SHANK2: variants seen among roughly 807,000 people sequenced by gnomAD.
The protein encoded by SHANK2 is SH3 and multiple ankyrin repeat domains 2.
SHANK2 carries 43 observed loss-of-function variants against 133.7 expected under a neutral mutation model. The ratio of observed to expected loss-of-function variants is 0.32; its 90% CI spans 0.25 to 0.41. The LOEUF is 0.41. Ranked by LOEUF, SHANK2 falls within the 10% of genes least tolerant of loss-of-function variation. The pLI is 1.00. For synonymous variants in SHANK2, 1,017 were observed against 952.8 expected, an observed-to-expected ratio of 1.07 and a Z score of -1.24; for missense variants, 1,994 against 2,235.8, an observed-to-expected ratio of 0.89 and a Z score of 2.18.
chr11:71,207,248 C>T (rs940572912), intron 2 of SHANK2, among the ~76,000 whole-genome samples: 3 of 146,266 alleles, frequency 2.1e-5, no homozygotes, highest in South Asian at 2.2e-4. Context: ...GGCGCAATCT[C>T]GGCTCACTAC....
intron 22 of SHANK2, among the ~76,000 whole-genome samples, chr11:70,490,772 GGTCCATACCCCACTCCCCATGTGCCATGT>G (rs1361545811): frequency 6.6e-6 from 1 of 152,146 alleles, no homozygotes; most frequent in Non-Finnish European, 1.5e-5. Flanking sequence ...GTCTGGCCTG[GGTCCATACCCCACTCCCCATGTGCCATGT>G]GACCATCAAG....
intron 8 of SHANK2, among the ~76,000 whole-genome samples, chr11:71,086,049 GTTATATAATATA>G (rs1407123932): frequency 7.8e-5 from 6 of 77,068 alleles, no homozygotes; most frequent in East Asian, 4.0e-4. Flanking sequence ...TATATAATAT[GTTATATAATATA>G]TTATATAATA....
At chr11:70,867,236 G>A (rs1268422220) in intron 11 of SHANK2, among the ~76,000 whole-genome samples, 4 of 152,270 alleles carry the variant, frequency 2.6e-5, no homozygotes, top group East Asian at 1.9e-4. Flanking sequence ...TCTCCTATCC[G>A]GGTAGGGGTA....
chr11:70,921,987 A>T (rs1555080759), intron 10 of SHANK2, among the ~76,000 whole-genome samples: 1 of 152,264 alleles, frequency 6.6e-6, no homozygotes, highest in East Asian at 1.9e-4. Flanking sequence ...TATTGGAGTG[A>T]GCAGCGAAGA....
chr11:70,578,910 AC>A (rs1172334744), intron 17 of SHANK2, among the ~76,000 whole-genome samples: 2 of 152,178 alleles, frequency 1.3e-5, no homozygotes, highest in Non-Finnish European at 1.5e-5. Flanking sequence ...TGGCCTCCCC[AC>A]AGGATGGGCG....
chr11:71,204,234 C>A (rs557361980), intron 2 of SHANK2, among the ~76,000 whole-genome samples: 1 of 151,516 alleles, frequency 6.6e-6, no homozygotes, highest in Non-Finnish European at 1.5e-5. Context: ...GATGTAAATC[C>A]AAAAAAAACC....
intron 2 of SHANK2, among the ~76,000 whole-genome samples, chr11:71,159,052 G>T (rs1256421101): frequency 6.6e-6 from 1 of 152,232 alleles, no homozygotes; most frequent in East Asian, 1.9e-4. Context: ...AATAAATGCT[G>T]CTTTATTGCT....
At chr11:70,756,872 G>A (rs1394223959) in intron 14 of SHANK2, among the ~76,000 whole-genome samples, 2 of 152,134 alleles carry the variant, frequency 1.3e-5, no homozygotes, top group Non-Finnish European at 2.9e-5. Flanking sequence ...GATCAGCACA[G>A]AATGTTACAA....
intron 17 of SHANK2, among the ~76,000 whole-genome samples, chr11:70,523,070 TGCTGGTGTGG>T (rs1554971387): frequency 6.6e-6 from 1 of 152,186 alleles, no homozygotes; most frequent in East Asian, 1.9e-4. Flanking sequence ...ACACCTGCAA[TGCTGGTGTGG>T]GTGTGGAGGG....
chr11:71,103,922 CCT>C (rs143494541), intron 6 of SHANK2, among the ~76,000 whole-genome samples: 37 of 137,746 alleles, frequency 2.7e-4, no homozygotes, highest in Middle Eastern at 3.6e-3. Context: ...TGCACCTGCT[CCT>C]CTCTCTCTCT....
chr11:70,684,901 T>A (rs369083811), intron 15 of SHANK2, among the ~76,000 whole-genome samples: 1 of 152,168 alleles, frequency 6.6e-6, no homozygotes, highest in East Asian at 1.9e-4. Context: ...AGATCCCTCT[T>A]GGCTCAAATG....
intron 17 of SHANK2, among the ~76,000 whole-genome samples, chr11:70,510,899 T>C (rs2135878301): frequency 6.6e-6 from 1 of 152,360 alleles, no homozygotes; most frequent in Non-Finnish European, 1.5e-5. Flanking sequence ...TACTCCTTGC[T>C]GCCTCAGAGC....
rs1555147673 is a variant in SHANK2, at chr11:70,468,685, T to C, written c.*4184A>G. The C allele has an allele frequency of 6.6e-6, 1 of 152,076 alleles. No individual in the cohort carries two copies. The highest frequency in any genetic ancestry group is 2.4e-5 in the African/African-American group (1 of 41,402). The allele number at this position is 152,076 out of a possible 1,614,324, so 9.4% of individuals were successfully genotyped here. On this transcript the variant is annotated 3_prime_UTR_variant, in exon 26 of 26. Coordinates refer to ENST00000601538, the MANE Select transcript of SHANK2 (RefSeq NM_012309.5). ...GGGTGCCAAGGTTTGGGAGAAACTA[T>C]TGGATGGTGAAGCGGGAGAGCTTGA...
At chr11:71,076,785 C>T (rs1951225768) in intron 8 of SHANK2, among the ~76,000 whole-genome samples, 1 of 152,238 alleles carries the variant, frequency 6.6e-6, no homozygotes, top group African/African-American at 2.4e-5. Context: ...TAGGCAGGAG[C>T]CATCAGGTTC....
Position 70,602,621 on chromosome 11 carries a change from T to C in SHANK2, c.2061+57207A>G, listed in dbSNP as rs142057811. The stretch of plus-strand genomic sequence containing the variant: ...TTCATCCTCTTCTTTTCGGTAATTA[T>C]ACTGGTGGCAACGCCTGTATTTACT... On this transcript the variant is annotated intron_variant, in intron 17 of 25. Transcript: ENST00000601538. Among the ~76,000 whole-genome samples the C allele has an allele frequency of 4.6e-3, 700 of 152,342 alleles. 9 individuals are homozygous for C. Among genetic ancestry groups the C allele is most frequent in the African/African-American group, 0.016 (678 of 41,570 alleles).
At position 70,892,353 on chromosome 11, in the gene SHANK2, T is replaced by TGG. The variant is rs1319003427; in HGVS notation, c.1174+4146_1174+4147dup. On this transcript the variant is annotated intron_variant, in intron 11 of 25. Coordinates refer to ENST00000601538, the MANE Select transcript of SHANK2 (RefSeq NM_012309.5). The stretch of plus-strand genomic sequence containing the variant: ...CAGAGAGGAGATACCCCTCTAACTA[T>TGG]GGTGGGGGGGACTGCCCTGTTGGTG... 8.5e-4 allele frequency among the ~76,000 whole-genome samples: 126 copies of TGG among 147,792 alleles called. 3 individuals are homozygous for TGG. Among genetic ancestry groups the TGG allele is most frequent in the Admixed American group, 2.4e-3 (37 of 15,200 alleles).
chr11:70,770,006 G>T (rs187058918), intron 14 of SHANK2, among the ~76,000 whole-genome samples: 1 of 152,210 alleles, frequency 6.6e-6, no homozygotes, highest in African/African-American at 2.4e-5. Context: ...ATGGAGGAAG[G>T]CCTTACGTAA....
chr11:70,578,407 G>A (rs2136212687), intron 17 of SHANK2, among the ~76,000 whole-genome samples: 1 of 152,328 alleles, frequency 6.6e-6, no homozygotes, highest in South Asian at 2.1e-4. Context: ...GGATGGTGAT[G>A]TTGTTGGCAC....
intron 17 of SHANK2, among the ~76,000 whole-genome samples, chr11:70,541,001 CT>C (rs1206637857): frequency 6.6e-6 from 1 of 152,178 alleles, no homozygotes; most frequent in Non-Finnish European, 1.5e-5. Flanking sequence ...TCCCCAGCCC[CT>C]GGCACTCACC....
Sources: gnomAD v4.1 joint callset for allele counts (sites outside exome capture counted in the v4.1 genomes callset) on GRCh38, gnomAD v4.1.1 for gene constraint, MANE v1.5 for transcripts, NCBI Gene and HGNC (gene_info 2026-07-23, HGNC 2026-07-21) for gene names.